Variants in FAM171B observed in about 807,000 individuals in gnomAD.
FAM171B encodes the protein family with sequence similarity 171 member B, also known as protein FAM171B.
Under a neutral mutation model 75.6 loss-of-function variants are expected in FAM171B, and 19 were observed. The observed-to-expected ratio is 0.25, with a 90% CI of 0.18 to 0.37. FAM171B has a LOEUF of 0.37. Ranked by LOEUF, FAM171B falls within the 10% of genes least tolerant of loss-of-function variation. The pLI, the probability that FAM171B is intolerant of heterozygous loss-of-function variation, is 1.00. For missense variants in FAM171B, 848 were observed against 982.4 expected, an observed-to-expected ratio of 0.86 and a Z score of 1.83; for synonymous variants, 367 against 361.7, an observed-to-expected ratio of 1.01 and a Z score of -0.17.
intron 2 of FAM171B, 38 bp from the exon 3 acceptor site, chr2:186,743,445 C>T: frequency 1.4e-6 from 2 of 1,446,004 alleles, no homozygotes; most frequent in Non-Finnish European, 1.9e-6. Flanking sequence ...TTTCCCCTCA[C>T]ATTAAGTAAA....
chr2:186,711,817 A>G (rs569551534), intron 1 of FAM171B, among the ~76,000 whole-genome samples: 23 of 152,266 alleles, frequency 1.5e-4, no homozygotes, highest in Non-Finnish European at 2.6e-4. Context: ...TTATAGTCCA[A>G]ACTCCAGCAG....
At chr2:186,713,621 T>C (rs562590778) in intron 1 of FAM171B, among the ~76,000 whole-genome samples, 4 of 152,324 alleles carry the variant, frequency 2.6e-5, no homozygotes, top group African/African-American at 9.6e-5. Flanking sequence ...CAGATTTGTT[T>C]TTTAATGAAA....
chr2:186,746,504 CTTCAGTAGAAA>C (rs1245870887), intron 3 of FAM171B, among the ~76,000 whole-genome samples: 6 of 152,198 alleles, frequency 3.9e-5, no homozygotes, highest in African/African-American at 1.4e-4. Flanking sequence ...TCGATCACGA[CTTCAGTAGAAA>C]TAATTGAAAA....
At position 186,761,599 on chromosome 2, in the gene FAM171B, A is replaced by C; in HGVS notation, c.1257A>C (p.Leu419Phe). Residue 419 changes from leucine to phenylalanine, a missense_variant, in exon 8 of 8, where the codon TTA (leucine) becomes TTC (phenylalanine). Coordinates refer to ENST00000304698, the MANE Select transcript of FAM171B (RefSeq NM_177454.4). ...INHISTVKVA[L>F]KAEDKSQLFN... ...ATATCAGTACAGTTAAAGTTGCATT[A>C]AAAGCTGAGGACAAGTCGCAGTTAT... The C allele has an allele frequency of 1.9e-6, 3 of 1,613,436 alleles. No individual in the cohort carries two copies. The highest frequency in any genetic ancestry group is 2.2e-5 in the South Asian group (2 of 90,990).
chr2:186,759,497 C>T (rs1256239343), intron 6 of FAM171B, among the ~76,000 whole-genome samples: 6 of 152,092 alleles, frequency 3.9e-5, no homozygotes, highest in East Asian at 3.9e-4. Flanking sequence ...ACATCCTCAC[C>T]AGCATTCATT....
At chr2:186,740,767 T>C (rs1456271882) in intron 2 of FAM171B, among the ~76,000 whole-genome samples, 3 of 152,304 alleles carry the variant, frequency 2.0e-5, no homozygotes, top group South Asian at 4.1e-4. Flanking sequence ...TTTTTGTTTA[T>C]AGATGACATC....
At chr2:186,710,723 T>A (rs1559082176) in intron 1 of FAM171B, among the ~76,000 whole-genome samples, 1 of 152,204 alleles carries the variant, frequency 6.6e-6, no homozygotes, top group Non-Finnish European at 1.5e-5. Flanking sequence ...TCATTTAAAT[T>A]TGAAGTTTCC....
chr2:186,715,452 C>T (rs995415686), intron 1 of FAM171B, among the ~76,000 whole-genome samples: 1 of 152,100 alleles, frequency 6.6e-6, no homozygotes, highest in Non-Finnish European at 1.5e-5. Flanking sequence ...ATCCTCAGGC[C>T]TCCCCCTCAC....
intron 6 of FAM171B, 134 bp downstream of exon 6, chr2:186,754,183 C>A: frequency 1.6e-6 from 1 of 620,838 alleles, no homozygotes; most frequent in East Asian, 3.1e-5. Context: ...AACTTGATCT[C>A]AGCTTATTTT....
intron 6 of FAM171B, among the ~76,000 whole-genome samples, chr2:186,758,466 G>C (rs1411760976): frequency 1.3e-5 from 2 of 152,082 alleles, no homozygotes; most frequent in African/African-American, 4.8e-5. Context: ...CCTTATGCTG[G>C]ATGTTTTCTC....
In FAM171B at chr2:186,752,431, A is replaced by G. The variant is rs545580050; in HGVS notation, c.895+1127A>G. On this transcript the variant is annotated intron_variant, in intron 5 of 7. Transcript: ENST00000304698. ...TTTAAAGAAAGAGTGGAAACTATAT[A>G]ACCACGGTAGTATGCTACTGAAATC... Among the ~76,000 whole-genome samples the G allele has an allele frequency of 1.2e-4, 18 of 152,284 alleles. No individual in the cohort carries two copies. The South Asian group carries it at 2.7e-3, about 23-fold the overall frequency.
chr2:186,694,773 ACACACACACACACACACACACC>A (rs1689555209), intron 1 of FAM171B, among the ~76,000 whole-genome samples: 1 of 150,944 alleles, frequency 6.6e-6, no homozygotes, highest in Non-Finnish European at 1.5e-5. Context: ...ACACACACAC[ACACACACACACACACACACACC>A]GTTCTTAAAT....
At chr2:186,713,360 G>A (rs35055112) in intron 1 of FAM171B, among the ~76,000 whole-genome samples, 46,342 of 152,088 alleles carry the variant, frequency 0.3, 7,849 homozygotes, top group South Asian at 0.39. Flanking sequence ...GGGTGATCTT[G>A]GGGAAACTCA....
chr2:186,704,364 C>G (rs553210489), intron 1 of FAM171B, among the ~76,000 whole-genome samples: 2 of 151,932 alleles, frequency 1.3e-5, no homozygotes, highest in African/African-American at 4.8e-5. Flanking sequence ...TATTCCCTTC[C>G]CGGGTTATAC....
intron 1 of FAM171B, among the ~76,000 whole-genome samples, chr2:186,722,557 A>T (rs1416936225): frequency 6.6e-6 from 1 of 152,218 alleles, no homozygotes; most frequent in Non-Finnish European, 1.5e-5. Context: ...TACAGTGATC[A>T]AGTTTTGAAT....
At position 186,763,345 on chromosome 2, in the gene FAM171B, G is replaced by A. The variant is rs1042783483; in HGVS notation, c.*522G>A. 2.0e-5 allele frequency: 3 copies of A among 153,480 alleles called. No individual in the cohort carries two copies. Among genetic ancestry groups the A allele is most frequent in the African/African-American group, 7.2e-5 (3 of 41,426 alleles). The allele number at this position is 153,480 out of a possible 1,614,324, so 9.5% of individuals were successfully genotyped here. ...GTTATCACAAAGAAAATGTTGTTTG[G>A]TCTTTAAAGAGCATGTGTATTGTAT... On this transcript the variant is annotated 3_prime_UTR_variant, in exon 8 of 8. Transcript: ENST00000304698.
rs1268042946 is a variant in FAM171B at position 186,762,139 on chromosome 2, T to C, written c.1797T>C (p.Asp599=). The change falls in exon 8 of 8, where the codon GAT becomes GAC. Residue 599 remains aspartate, a synonymous_variant. Coordinates refer to ENST00000304698, the MANE Select transcript of FAM171B (RefSeq NM_177454.4). This position sits in a 1 kb window ranked among gnomAD's most constrained non-coding sequence, Gnocchi z 4.0. ...TTCATTCTCATGCACAGCCCCCAGA[T>C]GCCAGGGAAGAGGATATCATACTTG... is the stretch of plus-strand genomic sequence containing the variant. ...MPIHSHAQPP[D]AREEDIILEG... The C allele has an allele frequency of 1.2e-6, 2 of 1,613,686 alleles. No homozygotes were observed. The highest frequency in any genetic ancestry group is 4.5e-5 in the East Asian group (2 of 44,860).
chr2:186,761,072 C>A, intron 6 of FAM171B, 41 bp from the exon 7 acceptor site: 1 of 1,572,714 alleles, frequency 6.4e-7, no homozygotes. Context: ...AGAATTTGAT[C>A]TAAAATAACA....
chr2:186,727,218 C>T (rs927952158), intron 1 of FAM171B, among the ~76,000 whole-genome samples: 8 of 152,036 alleles, frequency 5.3e-5, no homozygotes, highest in African/African-American at 1.7e-4. Flanking sequence ...GAAAACATAC[C>T]GGAATATATC....
Sources: gnomAD v4.1 joint callset for allele counts (sites outside exome capture counted in the v4.1 genomes callset) on GRCh38, gnomAD v4.1.1 for gene constraint, Gnocchi (gnomAD v3.1) non-coding constraint, MANE v1.5 for transcripts, NCBI Gene and HGNC (gene_info 2026-07-23, HGNC 2026-07-21) for gene names.